Variants in RASA1 observed in about 807,000 individuals in gnomAD.
RASA1 encodes ras GTPase-activating protein 1.
Under a neutral mutation model 132.2 loss-of-function variants are expected in RASA1, and 25 were observed. That is an observed-to-expected ratio of 0.19 (90% CI 0.14 to 0.26). The LOEUF (loss-of-function observed/expected upper bound fraction) is 0.26, where lower values mean the gene tolerates loss of function less well. Ranked by LOEUF, RASA1 falls within the 10% of genes least tolerant of loss-of-function variation. RASA1 has a pLI of 1.00. For synonymous variants in RASA1, 477 were observed against 449.9 expected, an observed-to-expected ratio of 1.06 and a Z score of -0.76; for missense variants, 964 against 1,299.2, an observed-to-expected ratio of 0.74 and a Z score of 3.97.
intron 22 of RASA1, among the ~76,000 whole-genome samples, chr5:87,385,982 C>G (rs982411352): frequency 4.6e-5 from 7 of 151,972 alleles, no homozygotes; most frequent in Non-Finnish European, 7.4e-5. Flanking sequence ...ATTAGCTGAA[C>G]TTTGGAGTAA....
At position 87,362,686 on chromosome 5, in the gene RASA1, T is replaced by C; in HGVS notation, c.1453+15T>C. ...TCTGAAAAAGGGTAAGTTCAGACTTTTATCATTAACCCATTTGATAGAGAC... is the reference window on the plus strand; with the variant it reads ...TCTGAAAAAGGGTAAGTTCAGACTTCTATCATTAACCCATTTGATAGAGAC... On this transcript the variant is annotated intron_variant, in intron 10 of 24. Coordinates refer to ENST00000274376, the MANE Select transcript of RASA1 (RefSeq NM_002890.3). 6.2e-7 allele frequency: 1 copy of C among 1,601,370 alleles called. No homozygotes were observed. The highest frequency in any genetic ancestry group is 8.6e-7 in the Non-Finnish European group (1 of 1,168,874).
At chr5:87,337,346 T>G (rs1758048066) in intron 4 of RASA1, among the ~76,000 whole-genome samples, 1 of 152,030 alleles carries the variant, frequency 6.6e-6, no homozygotes, top group South Asian at 2.1e-4. Flanking sequence ...ATACATTCCT[T>G]TCTCATAATA....
At position 87,379,165 on chromosome 5, in the gene RASA1, G is replaced by A. The variant is rs149923757; in HGVS notation, c.2488-570G>A. ...GACCTAGCAAATGTTAATCCTGCAC[G>A]AAGGTGTCGATTCATACTAATAACT... is the stretch of plus-strand genomic sequence containing the variant. On this transcript the variant is annotated intron_variant, in intron 18 of 24. Transcript: ENST00000274376. Among the ~76,000 whole-genome samples the A allele has an allele frequency of 3.2e-3, 494 of 152,222 alleles. 3 individuals carry two copies. The highest frequency in any genetic ancestry group is 0.011 in the African/African-American group (464 of 41,538).
At chr5:87,278,722 G>A (rs1754177417) in intron 1 of RASA1, among the ~76,000 whole-genome samples, 1 of 151,986 alleles carries the variant, frequency 6.6e-6, no homozygotes, top group Non-Finnish European at 1.5e-5. Flanking sequence ...TTGTGTGTGT[G>A]CATGTATGTG....
At chr5:87,372,263 A>T (rs1761003895) in intron 13 of RASA1, 68 bp downstream of exon 13, 2 of 1,430,644 alleles carry the variant, frequency 1.4e-6, no homozygotes, top group South Asian at 2.3e-5. Context: ...TTTTTATTTT[A>T]TTTTTATCTG....
chr5:87,309,204 A>G (rs560339016), intron 1 of RASA1, among the ~76,000 whole-genome samples: 4 of 152,260 alleles, frequency 2.6e-5, no homozygotes, highest in African/African-American at 9.6e-5. Flanking sequence ...GTTAGGATAC[A>G]TGAATAAACA....
chr5:87,306,962 A>C (rs1353724880), intron 1 of RASA1, among the ~76,000 whole-genome samples: 8 of 152,122 alleles, frequency 5.3e-5, no homozygotes, highest in Non-Finnish European at 1.0e-4. Context: ...GGGCTCAAGC[A>C]GTCCTCTTGC....
intron 1 of RASA1, 186 bp from the exon 2 acceptor site, chr5:87,331,162 G>A: frequency 1.1e-6 from 1 of 891,846 alleles, no homozygotes; most frequent in Non-Finnish European, 1.8e-6. Flanking sequence ...TAAAGACCAA[G>A]TAAATGAGTA....
chr5:87,361,634 T>A (rs915278830), intron 9 of RASA1, among the ~76,000 whole-genome samples: 2 of 152,174 alleles, frequency 1.3e-5, no homozygotes, highest in Non-Finnish European at 2.9e-5. Flanking sequence ...CATCCTGATA[T>A]AATTCTTTTC....
chr5:87,388,709 AT>A lies in RASA1; in HGVS notation c.2926-682del, dbSNP rs201488654. On this transcript the variant is annotated intron_variant, in intron 23 of 24. Transcript: ENST00000274376. ...GTATTCTGAGCATAGTCCACAGATA[AT>A]TGCAAACCTGACAGGTTCTCATTGC... Among the ~76,000 whole-genome samples the A allele has an allele frequency of 9.0e-3, 1,371 of 152,308 alleles. 1 individual carries two copies. The highest frequency in any genetic ancestry group is 0.031 in the African/African-American group (1,272 of 41,558).
chr5:87,281,877 AG>A (rs780078795), intron 1 of RASA1, among the ~76,000 whole-genome samples: 9 of 152,136 alleles, frequency 5.9e-5, no homozygotes, highest in Middle Eastern at 3.4e-3. Flanking sequence ...CACCGCCCCC[AG>A]CCTATTGCCT....
At chr5:87,311,793 C>T (rs1166480485) in intron 1 of RASA1, among the ~76,000 whole-genome samples, 2 of 152,210 alleles carry the variant, frequency 1.3e-5, no homozygotes, top group African/African-American at 4.8e-5. Flanking sequence ...CAGACTGATA[C>T]TGCATGGACC....
chr5:87,347,014 C>T (rs546661215), intron 7 of RASA1, among the ~76,000 whole-genome samples: 1 of 152,046 alleles, frequency 6.6e-6, no homozygotes, highest in South Asian at 2.1e-4. Context: ...TTCTGTGTCT[C>T]TGTGAATCTT....
chr5:87,277,596 C>G (rs1052064925), intron 1 of RASA1, among the ~76,000 whole-genome samples: 1 of 152,152 alleles, frequency 6.6e-6, no homozygotes, highest in Non-Finnish European at 1.5e-5. Flanking sequence ...GCATGCAGAA[C>G]TGTGAAAAAA....
At chr5:87,318,322 A>G (rs924483693) in intron 1 of RASA1, 2 of 152,162 alleles carry the variant, frequency 1.3e-5, no homozygotes, top group Non-Finnish European at 2.9e-5. Context: ...GTACAATGAG[A>G]TAGAGGAAGA....
At chr5:87,312,604 G>A (rs192523860) in intron 1 of RASA1, among the ~76,000 whole-genome samples, 1 of 152,274 alleles carries the variant, frequency 6.6e-6, no homozygotes, top group African/African-American at 2.4e-5. Context: ...CTCTTTCTGG[G>A]CTAGAGGTTA....
intron 1 of RASA1, among the ~76,000 whole-genome samples, chr5:87,285,225 G>C (rs143575061): frequency 5.3e-5 from 8 of 151,674 alleles, no homozygotes; most frequent in African/African-American, 1.7e-4. Context: ...GTGCCACCAC[G>C]CCCAGCTAAT....
rs189548017 is a variant in RASA1 at position 87,329,118 on chromosome 5, C to T, written c.540-2230C>T. Among the ~76,000 whole-genome samples, 12 of 150,302 alleles carry T rather than the reference C, an allele frequency of 8.0e-5. No individual in the cohort carries two copies. In the East Asian group the frequency reaches 2.0e-3, roughly 26 times the overall value. On this transcript the variant is annotated intron_variant, in intron 1 of 24. Coordinates refer to ENST00000274376, the MANE Select transcript of RASA1 (RefSeq NM_002890.3). ...TGTCTTTCTCCTGAACTGACTTATCCATTTTAATGCTCAGATCTTAGAAAG... is the reference window on the plus strand; with the variant it reads ...TGTCTTTCTCCTGAACTGACTTATCTATTTTAATGCTCAGATCTTAGAAAG...
At chr5:87,312,972 A>G (rs1216507989) in intron 1 of RASA1, among the ~76,000 whole-genome samples, 1 of 152,202 alleles carries the variant, frequency 6.6e-6, no homozygotes, top group Non-Finnish European at 1.5e-5. Flanking sequence ...GGAAAATGAT[A>G]CTTTCCCTGT....
Sources: allele counts gnomAD v4.1 joint callset (sites outside exome capture counted in the v4.1 genomes callset), GRCh38; gene constraint gnomAD v4.1.1; transcripts MANE v1.5; gene names NCBI Gene and HGNC (gene_info 2026-07-23, HGNC 2026-07-21).